The following PGRMC2 variants were observed in gnomAD, a reference collection of about 807,000 sequenced individuals.
PGRMC2 encodes the protein membrane-associated progesterone receptor component 2.
In PGRMC2, 9 loss-of-function variants were observed where a neutral mutation model predicts 19.3. The observed-to-expected ratio is 0.47, with a 90% CI of 0.28 to 0.81. The LOEUF (loss-of-function observed/expected upper bound fraction) is 0.81. PGRMC2 is among the 40% of genes least tolerant of loss of function. PGRMC2 has a pLI of 0.11. For synonymous variants in PGRMC2, 157 were observed against 124.6 expected (o/e 1.26, Z -1.73); for missense variants, 289 against 297.3 (o/e 0.97, Z 0.21).
rs1366100270 is a variant in PGRMC2, at chr4:128,269,351, AT to A, written c.*1964del. 1 of 152,196 alleles carries A rather than the reference AT, an allele frequency of 6.6e-6. No individual in the cohort carries two copies. The highest frequency in any genetic ancestry group is 1.5e-5 in the Non-Finnish European group (1 of 68,028). The allele number at this position is 152,196 out of a possible 1,614,324, so 9.4% of individuals were successfully genotyped here. A position where few individuals can be genotyped will look rare whatever the true frequency, so the allele number is the denominator to read the frequency against. The stretch of plus-strand genomic sequence containing the variant: ...CTGCATGAATATTTAGGGTTTCTCT[AT>A]TCACAAGTACAGTTTATTACTAGAC... On this transcript the variant is annotated 3_prime_UTR_variant, in exon 3 of 3. Transcript: ENST00000296425.
intron 1 of PGRMC2, among the ~76,000 whole-genome samples, chr4:128,287,041 A>G (rs983271120): frequency 2.6e-5 from 4 of 152,082 alleles, no homozygotes; most frequent in African/African-American, 7.2e-5. Flanking sequence ...ACCTGTGACA[A>G]CTAAAACGAT....
At chr4:128,284,082 A>AT (rs1223900651) in intron 1 of PGRMC2, among the ~76,000 whole-genome samples, 1 of 151,756 alleles carries the variant, frequency 6.6e-6, no homozygotes, top group Non-Finnish European at 1.5e-5. Flanking sequence ...AAGTGCTGGG[A>AT]TTACACGCGT....
intron 1 of PGRMC2, among the ~76,000 whole-genome samples, chr4:128,278,311 T>TA (rs1760845430): frequency 6.6e-6 from 1 of 152,124 alleles, no homozygotes; most frequent in African/African-American, 2.4e-5. Context: ...AACCTTCTGT[T>TA]AAAAAACACA....
At position 128,287,402 on chromosome 4, in the gene PGRMC2, AC is replaced by A; in HGVS notation, c.388del (p.Val130Ter). On this transcript the variant is annotated frameshift_variant, in exon 1 of 3. Transcript: ENST00000296425. LOFTEE classifies it high-confidence loss of function. ...GCCGTAGAACTTGCTGCCTTTGGTCACGTCGAAGACTTTCCCATTGACCGCG... is the reference window on the plus strand; with the variant it reads ...GCCGTAGAACTTGCTGCCTTTGGTCAGTCGAAGACTTTCCCATTGACCGCG... The part of the protein sequence containing the change: ...LLAVNGKVFD[V>X]TKGSKFYGPA... The A allele has an allele frequency of 6.2e-7, 1 of 1,606,712 alleles. No homozygotes were observed. Among genetic ancestry groups the A allele is most frequent in the Non-Finnish European group, 8.5e-7 (1 of 1,174,298 alleles).
rs3733261 is a variant in PGRMC2, at chr4:128,287,494, C to T, written c.297G>A (p.Lys99=). Reference sequence around the variant, plus strand: ...GCTGCTCCAAGCTGAAGTCCCGCTTCTTCATGCGAGGCAGAGAGGTGGCGG... The same window carrying T: ...GCTGCTCCAAGCTGAAGTCCCGCTTTTTCATGCGAGGCAGAGAGGTGGCGG... ...ESPATSLPRM[K]KRDFSLEQLR... The change falls in exon 1 of 3, where the codon AAG becomes AAA. Residue 99 remains lysine (K), a synonymous_variant. Transcript: ENST00000296425. 0.011 allele frequency: 18,164 copies of T among 1,613,238 alleles called. 380 individuals carry two copies. Among genetic ancestry groups the T allele is most frequent in the East Asian group, 0.085 (3,821 of 44,826 alleles).
chr4:128,278,429 G>C (rs768859052), intron 1 of PGRMC2, among the ~76,000 whole-genome samples: 3 of 152,010 alleles, frequency 2.0e-5, no homozygotes, highest in Admixed American at 6.6e-5. Flanking sequence ...AAAATTAGCC[G>C]GGCACGGTGG....
chr4:128,283,410 A>G (rs935962888), intron 1 of PGRMC2, among the ~76,000 whole-genome samples: 3 of 152,116 alleles, frequency 2.0e-5, no homozygotes, highest in Non-Finnish European at 2.9e-5. Flanking sequence ...GTTTTCAACA[A>G]CTCTCTGGGA....
chr4:128,287,045 A>G (rs1760993936), intron 1 of PGRMC2, among the ~76,000 whole-genome samples: 1 of 152,084 alleles, frequency 6.6e-6, no homozygotes, highest in African/African-American at 2.4e-5. Context: ...GTGACAACTA[A>G]AACGATTTTG....
intron 1 of PGRMC2, among the ~76,000 whole-genome samples, chr4:128,274,604 G>A (rs1760780412): frequency 6.6e-6 from 1 of 151,742 alleles, no homozygotes; most frequent in South Asian, 2.1e-4. Context: ...ACACTTTGTG[G>A]CAATGGGTGT....
intron 1 of PGRMC2, among the ~76,000 whole-genome samples, chr4:128,283,067 G>C (rs546433509): frequency 2.6e-5 from 4 of 152,306 alleles, no homozygotes; most frequent in African/African-American, 7.2e-5. Context: ...CTATCAAAAA[G>C]TCAAGTGTAT....
In PGRMC2 at chr4:128,285,570, T is replaced by C. The variant is rs1337975192; in HGVS notation, c.418+1803A>G. On this transcript the variant is annotated intron_variant, in intron 1 of 2. Coordinates refer to ENST00000296425, the MANE Select transcript of PGRMC2 (RefSeq NM_006320.6). ...TAATACGATTCTTTGTACTAATACT[T>C]TGTTTTCTTCAGTGGCAGTTCAGAC... Among the ~76,000 whole-genome samples, 4 of 152,242 alleles carry C rather than the reference T, an allele frequency of 2.6e-5. No individual in the cohort carries two copies. The East Asian group carries it at 5.8e-4, about 22-fold the overall frequency.
In PGRMC2 at chr4:128,287,783, G is replaced by A; in HGVS notation, c.8C>T (p.Ala3Val). The A allele has an allele frequency of 6.7e-7, 1 of 1,487,010 alleles. No homozygotes were observed. The highest frequency in any genetic ancestry group is 9.2e-7 in the Non-Finnish European group (1 of 1,086,868). 92.1% of individuals were successfully genotyped at this position (1,487,010 alleles called of 1,614,324 possible). A position where few individuals can be genotyped will look rare whatever the true frequency, so the allele number is the denominator to read the frequency against. ...GCCTAGCTTCACGTCCCCATCACCA[G>A]CCGCCATCACTGCCCGCCAGCGCCT... is the stretch of plus-strand genomic sequence containing the variant. Reference protein sequence around the residue: MAAGDGDVKLGTL... With the variant: MAVGDGDVKLGTL... Residue 3 changes from alanine (A) to valine (V), a missense_variant, in exon 1 of 3, where the codon GCT becomes GTT. Coordinates refer to ENST00000296425, the MANE Select transcript of PGRMC2 (RefSeq NM_006320.6).
At chr4:128,279,384 CCAAGAAGCTTAATA>C (rs1207714733) in intron 1 of PGRMC2, among the ~76,000 whole-genome samples, 1 of 152,040 alleles carries the variant, frequency 6.6e-6, no homozygotes, top group Non-Finnish European at 1.5e-5. Context: ...GTGACAAAGA[CCAAGAAGCTTAATA>C]CCACGTTTTT....
intron 1 of PGRMC2, among the ~76,000 whole-genome samples, chr4:128,284,751 A>T (rs1215522840): frequency 6.6e-6 from 1 of 152,214 alleles, no homozygotes; most frequent in Non-Finnish European, 1.5e-5. Context: ...CTGCTACAAA[A>T]CTGCTTAATT....
chr4:128,284,802 G>C (rs1048425784), intron 1 of PGRMC2, among the ~76,000 whole-genome samples: 2 of 152,096 alleles, frequency 1.3e-5, no homozygotes, highest in Non-Finnish European at 2.9e-5. Context: ...AACTGAACTT[G>C]TATCTGTTTT....
In PGRMC2 at chr4:128,280,047, C is replaced by G. The variant is rs1386685708; in HGVS notation, c.418+7326G>C. Reference sequence around the variant, plus strand: ...ACTTTACCTCTTTCACAACTTAGGGCTCATGGAATTTTACAGGAAATACTC... The same window carrying G: ...ACTTTACCTCTTTCACAACTTAGGGGTCATGGAATTTTACAGGAAATACTC... On this transcript the variant is annotated intron_variant, in intron 1 of 2. Transcript: ENST00000296425. 2.6e-5 allele frequency among the ~76,000 whole-genome samples: 4 copies of G among 151,840 alleles called. No homozygotes were observed. The East Asian group carries it at 7.7e-4, about 29-fold the overall frequency.
At chr4:128,285,410 T>C (rs1200871516) in intron 1 of PGRMC2, among the ~76,000 whole-genome samples, 3 of 152,230 alleles carry the variant, frequency 2.0e-5, no homozygotes, top group Admixed American at 1.3e-4. Context: ...ATTACAGGCA[T>C]GAACCACCAC....
At chr4:128,271,959 T>TA (rs1236886150) in intron 2 of PGRMC2, among the ~76,000 whole-genome samples, 1 of 152,258 alleles carries the variant, frequency 6.6e-6, no homozygotes, top group African/African-American at 2.4e-5. Flanking sequence ...CCTGTATTTT[T>TA]AAAAAACTAA....
chr4:128,282,451 C>G lies in PGRMC2; in HGVS notation c.418+4922G>C, dbSNP rs1048450779. Among the ~76,000 whole-genome samples, 4 of 152,298 alleles carry G rather than the reference C, an allele frequency of 2.6e-5. No individual in the cohort carries two copies. In the East Asian group the frequency reaches 7.7e-4, roughly 29 times the overall value. The stretch of plus-strand genomic sequence containing the variant: ...TAACAGCTTCTGGTTTCAAGCTATC[C>G]TTTTATAATATGCTTTAGGATTTAA... On this transcript the variant is annotated intron_variant, in intron 1 of 2. Coordinates refer to ENST00000296425, the MANE Select transcript of PGRMC2 (RefSeq NM_006320.6).
Sources: allele counts gnomAD v4.1 joint callset (sites outside exome capture counted in the v4.1 genomes callset), GRCh38; gene constraint gnomAD v4.1.1; transcripts MANE v1.5; gene names NCBI Gene and HGNC (gene_info 2026-07-23, HGNC 2026-07-21).